The following KCTD1 variants were observed in gnomAD, a reference collection of about 807,000 sequenced individuals.
KCTD1 encodes the protein BTB/POZ domain-containing protein KCTD1.
KCTD1 carries 24 observed loss-of-function variants against 66.0 expected under a neutral mutation model. That is an observed-to-expected ratio of 0.36 (90% CI 0.26 to 0.51). The LOEUF (loss-of-function observed/expected upper bound fraction) is 0.51. Among genes scored for constraint, KCTD1 ranks in the 20% least tolerant of loss-of-function variants. The pLI is 0.95. For synonymous variants in KCTD1, 511 were observed against 517.2 expected (o/e 0.99, Z 0.16); for missense variants, 943 against 1,205.2 (o/e 0.78, Z 3.22).
At chr18:26,590,379 G>A (rs76420098) in intron 1 of KCTD1, among the ~76,000 whole-genome samples, 31,193 of 151,950 alleles carry the variant, frequency 0.21, 3,426 homozygotes, top group Middle Eastern at 0.28. Flanking sequence ...ATGAGCCACC[G>A]TGCCCGGCTG....
intron 3 of KCTD1, among the ~76,000 whole-genome samples, chr18:26,463,400 G>A (rs1010632773): frequency 1.3e-5 from 2 of 151,192 alleles, no homozygotes; most frequent in African/African-American, 4.9e-5. Context: ...CTAGGAGACC[G>A]AGAAAGACCC....
intron 1 of KCTD1, among the ~76,000 whole-genome samples, chr18:26,654,623 CAT>C: frequency 6.6e-6 from 1 of 152,176 alleles, no homozygotes; most frequent in East Asian, 1.9e-4. Context: ...AGTCGTTTTG[CAT>C]ACTGTGGTGG....
upstream of KCTD1, among the ~76,000 whole-genome samples, chr18:26,644,780 G>C (rs374824034): frequency 7.9e-5 from 12 of 151,980 alleles, 1 homozygote; most frequent in South Asian, 1.9e-3. Context: ...GAGAGAGAGA[G>C]AGAGAGAAAG....
At chr18:26,630,831 G>T (rs1194979100), upstream of KCTD1, among the ~76,000 whole-genome samples, 1 of 152,164 alleles carries the variant, frequency 6.6e-6, no homozygotes, top group Admixed American at 6.5e-5. Context: ...TTGAGTCTTG[G>T]GTAACTGGCA....
At chr18:26,548,580 T>C (rs1314695124), upstream of KCTD1, 2 of 1,203,248 alleles carry the variant, frequency 1.7e-6, no homozygotes, top group South Asian at 4.1e-5. Flanking sequence ...GCATGCGCTA[T>C]ATTGGACCGC....
rs527640065 is a variant in KCTD1, at chr18:26,599,417, T to A, written c.-16+29730A>T. On this transcript the variant is annotated intron_variant, in intron 1 of 4. Transcript: ENST00000317932. ...ACTGCACTGCAAGAATGGCAGATTT[T>A]GGGATCTCTGCTGGCCAGTTTGTGG... The A allele has an allele frequency of 3.1e-5, 50 of 1,611,438 alleles. 1 individual carries two copies. The South Asian group carries it at 5.5e-4, about 18-fold the overall frequency.
At chr18:26,517,282 T>G (rs764518647) in intron 1 of KCTD1, among the ~76,000 whole-genome samples, 16 of 152,154 alleles carry the variant, frequency 1.1e-4, no homozygotes, top group Non-Finnish European at 2.1e-4. Context: ...TGGGAGATAA[T>G]TGAATCATGG....
At chr18:26,511,505 G>A (rs1205984824) in intron 1 of KCTD1, among the ~76,000 whole-genome samples, 2 of 152,198 alleles carry the variant, frequency 1.3e-5, no homozygotes, top group African/African-American at 4.8e-5. Context: ...GCTGTTGTGG[G>A]GGGAAGATGC....
At chr18:26,529,011 C>T (rs1455035849) in intron 1 of KCTD1, among the ~76,000 whole-genome samples, 1 of 152,148 alleles carries the variant, frequency 6.6e-6, no homozygotes, top group Non-Finnish European at 1.5e-5. Flanking sequence ...GTCCTCCAGC[C>T]CACACCTTTG....
At chr18:26,529,765 C>T (rs542461594) in intron 1 of KCTD1, among the ~76,000 whole-genome samples, 2 of 152,298 alleles carry the variant, frequency 1.3e-5, no homozygotes, top group African/African-American at 4.8e-5. Flanking sequence ...TTTGAGAATA[C>T]TGATTTTAAT....
intron 1 of KCTD1, among the ~76,000 whole-genome samples, chr18:26,554,178 G>A (rs1295756918): frequency 2.1e-5 from 3 of 141,284 alleles, no homozygotes; most frequent in Non-Finnish European, 4.6e-5. Context: ...AAAGAAAGAA[G>A]GAAGGAAAAA....
At chr18:26,592,804 G>A (rs977416084) in intron 1 of KCTD1, among the ~76,000 whole-genome samples, 4 of 152,274 alleles carry the variant, frequency 2.6e-5, no homozygotes, top group African/African-American at 9.6e-5. Context: ...GGGGAAATGG[G>A]GGCAAGTTTT....
intron 3 of KCTD1, among the ~76,000 whole-genome samples, chr18:26,472,824 C>T (rs114330610): frequency 0.01 from 1,598 of 152,328 alleles, 28 homozygotes; most frequent in African/African-American, 0.033. Context: ...TGGTTCTCTC[C>T]CTAGGTCTCT....
chr18:26,615,685 A>T (rs1598967813), intron 1 of KCTD1, among the ~76,000 whole-genome samples: 1 of 152,230 alleles, frequency 6.6e-6, no homozygotes, highest in Non-Finnish European at 1.5e-5. Flanking sequence ...TTATCTACCT[A>T]TTTTCAAATG....
chr18:26,514,323 T>C (rs1983519000), intron 1 of KCTD1, among the ~76,000 whole-genome samples: 1 of 151,686 alleles, frequency 6.6e-6, no homozygotes, highest in South Asian at 2.1e-4. Context: ...GAGGCTGAAG[T>C]AGGAGGGCTG....
intron 1 of KCTD1, chr18:26,544,501 C>G (rs1254591368): frequency 1.3e-5 from 2 of 152,194 alleles, no homozygotes; most frequent in Non-Finnish European, 2.9e-5. Flanking sequence ...TATGACACTA[C>G]TTGATAAAGT....
At chr18:26,541,492 C>G (rs1984972257) in intron 1 of KCTD1, among the ~76,000 whole-genome samples, 1 of 152,204 alleles carries the variant, frequency 6.6e-6, no homozygotes, top group Non-Finnish European at 1.5e-5. Context: ...AATAAAAAAA[C>G]CCTGTCTGTC....
upstream of KCTD1, among the ~76,000 whole-genome samples, chr18:26,643,857 G>C (rs1163276402): frequency 6.6e-6 from 1 of 152,166 alleles, no homozygotes. Context: ...AGCTACTCGG[G>C]AGGCTGAGGC....
intron 1 of KCTD1, among the ~76,000 whole-genome samples, chr18:26,615,507 G>C (rs1987230230): frequency 6.6e-6 from 1 of 152,180 alleles, no homozygotes; most frequent in African/African-American, 2.4e-5. Context: ...TCTCTTATGA[G>C]AAGAGTGCAA....
Sources: gnomAD v4.1 joint callset for allele counts (sites outside exome capture counted in the v4.1 genomes callset) on GRCh38, gnomAD v4.1.1 for gene constraint, MANE v1.5 for transcripts, NCBI Gene and HGNC (gene_info 2026-07-23, HGNC 2026-07-21) for gene names.